The following MKLN1 variants were observed in gnomAD, a reference collection of about 807,000 sequenced individuals.
The protein encoded by MKLN1 is muskelin.
In MKLN1, 18 loss-of-function variants were observed where a neutral mutation model predicts 99.0. That is an observed-to-expected ratio of 0.18 (90% CI 0.13 to 0.27). The LOEUF is 0.27. Among genes scored for constraint, MKLN1 ranks in the 10% least tolerant of loss-of-function variants. The pLI is 1.00. For missense variants in MKLN1, 621 were observed against 875.9 expected (o/e 0.71, Z 3.67); for synonymous variants, 288 against 293.2 (o/e 0.98, Z 0.18).
At chr7:131,249,534 C>G (rs1032160239) in intron 3 of MKLN1, among the ~76,000 whole-genome samples, 1 of 152,192 alleles carries the variant, frequency 6.6e-6, no homozygotes, top group African/African-American at 2.4e-5. Flanking sequence ...GAGCTGGAGG[C>G]TGGTATATTC....
intron 15 of MKLN1, among the ~76,000 whole-genome samples, chr7:131,467,800 C>T (rs1398940068): frequency 2.0e-5 from 3 of 152,064 alleles, no homozygotes; most frequent in African/African-American, 4.8e-5. Context: ...ATGTTCTTCC[C>T]GAAGAACTGG....
At chr7:131,110,475 T>G (rs138785857) in intron 1 of MKLN1, among the ~76,000 whole-genome samples, 2 of 152,252 alleles carry the variant, frequency 1.3e-5, no homozygotes, top group Non-Finnish European at 2.9e-5. Flanking sequence ...ATTCAGGGTT[T>G]GAGAAGTATC....
intron 1 of MKLN1, among the ~76,000 whole-genome samples, chr7:131,369,807 G>A (rs1047897151): frequency 4.6e-5 from 7 of 152,116 alleles, no homozygotes; most frequent in Non-Finnish European, 1.0e-4. Flanking sequence ...TTATGTATAT[G>A]TGTATGTTTA....
chr7:131,189,957 A>T (rs1050827513), intron 2 of MKLN1, among the ~76,000 whole-genome samples: 9 of 152,218 alleles, frequency 5.9e-5, no homozygotes, highest in African/African-American at 2.2e-4. Context: ...ATTTGAGTGC[A>T]GAAAATCAGA....
chr7:131,447,525 C>T (rs993170311), intron 12 of MKLN1, among the ~76,000 whole-genome samples: 1 of 152,042 alleles, frequency 6.6e-6, no homozygotes, highest in Non-Finnish European at 1.5e-5. Context: ...CATAGTTAGC[C>T]CTCATCTCTA....
chr7:131,303,480 G>A (rs930734035), intron 3 of MKLN1, among the ~76,000 whole-genome samples: 6 of 152,260 alleles, frequency 3.9e-5, no homozygotes, highest in African/African-American at 7.2e-5. Context: ...TTGTTTGTTC[G>A]TTTTGGCAAG....
intron 16 of MKLN1, 163 bp from the exon 17 acceptor site, chr7:131,478,460 A>T (rs1797024741): frequency 1.8e-6 from 1 of 541,550 alleles, no homozygotes; most frequent in African/African-American, 2.0e-5. Context: ...CTGTAATCTG[A>T]ATGTGTTCTT....
At chr7:131,365,050 C>A (rs1347662790) in intron 1 of MKLN1, among the ~76,000 whole-genome samples, 1 of 152,164 alleles carries the variant, frequency 6.6e-6, no homozygotes, top group Non-Finnish European at 1.5e-5. Context: ...ATACTGCTTT[C>A]CACAATGGTT....
intron 6 of MKLN1, among the ~76,000 whole-genome samples, chr7:131,401,039 A>G (rs1326165545): frequency 6.6e-6 from 1 of 152,106 alleles, no homozygotes; most frequent in Non-Finnish European, 1.5e-5. Context: ...AACAGTGCAG[A>G]GTTTTTTGGC....
At chr7:131,314,360 T>C (rs1798624097) in intron 3 of MKLN1, among the ~76,000 whole-genome samples, 1 of 152,190 alleles carries the variant, frequency 6.6e-6, no homozygotes, top group Non-Finnish European at 1.5e-5. Flanking sequence ...ATTAGAAGTC[T>C]CCTCTAGATC....
intron 2 of MKLN1, among the ~76,000 whole-genome samples, chr7:131,177,648 A>G (rs1004033879): frequency 1.3e-5 from 2 of 152,180 alleles, no homozygotes; most frequent in Non-Finnish European, 1.5e-5. Flanking sequence ...AAATTCTGAA[A>G]GGGATGTATT....
intron 3 of MKLN1, among the ~76,000 whole-genome samples, chr7:131,257,006 C>G (rs559853166): frequency 1.3e-5 from 2 of 152,110 alleles, no homozygotes; most frequent in Non-Finnish European, 2.9e-5. Flanking sequence ...TATATAAGCT[C>G]TATACATACA....
chr7:131,328,774 G>C (rs1318499282), intron 1 of MKLN1, among the ~76,000 whole-genome samples: 1 of 152,158 alleles, frequency 6.6e-6, no homozygotes, highest in Non-Finnish European at 1.5e-5. Flanking sequence ...GCTTTGTCTT[G>C]ATCCCTGATT....
chr7:131,257,733 G>A (rs534723922), intron 3 of MKLN1, among the ~76,000 whole-genome samples: 30 of 152,228 alleles, frequency 2.0e-4, no homozygotes, highest in African/African-American at 5.5e-4. Context: ...GAGGGAAGGG[G>A]AAGGGAGAGA....
rs565412923 is a variant in MKLN1 at position 131,494,274 on chromosome 7, T to G, written c.*6546T>G. The stretch of plus-strand genomic sequence containing the variant: ...GTTTCCTCCACATCTGTAAAGTGAT[T>G]GATTAAATTAGAGGAGGCGTGTAGA... On this transcript the variant is annotated 3_prime_UTR_variant, in exon 18 of 18. Transcript: ENST00000352689. 8 of 152,332 alleles carry G rather than the reference T, an allele frequency of 5.3e-5. No homozygotes were observed. In the East Asian group the frequency reaches 1.3e-3, roughly 26 times the overall value. 9.4% of individuals were successfully genotyped at this position (152,332 alleles called of 1,614,324 possible).
At chr7:131,428,938 G>A in intron 8 of MKLN1, 95 bp from the exon 9 acceptor site, 1 of 817,756 alleles carries the variant, frequency 1.2e-6, no homozygotes, top group Non-Finnish European at 2.0e-6. Context: ...TTTAGATGTA[G>A]CTTCTTAAGT....
intron 2 of MKLN1, among the ~76,000 whole-genome samples, chr7:131,160,142 T>C (rs1796025545): frequency 6.6e-6 from 1 of 152,232 alleles, no homozygotes; most frequent in Non-Finnish European, 1.5e-5. Context: ...ATTTGCCTAA[T>C]GTAAATATTC....
chr7:131,342,002 A>C (rs1441742894), intron 1 of MKLN1, among the ~76,000 whole-genome samples: 1 of 152,174 alleles, frequency 6.6e-6, no homozygotes, highest in African/African-American at 2.4e-5. Flanking sequence ...ATATCCACTT[A>C]TTGGCTATTA....
chr7:131,274,941 C>T (rs957237307), intron 3 of MKLN1, among the ~76,000 whole-genome samples: 11 of 152,136 alleles, frequency 7.2e-5, no homozygotes, highest in African/African-American at 2.7e-4. Flanking sequence ...CCCTTCTTGG[C>T]CTCTGAGAAG....
Sources: allele counts gnomAD v4.1 joint callset (sites outside exome capture counted in the v4.1 genomes callset), GRCh38; gene constraint gnomAD v4.1.1; transcripts MANE v1.5; gene names NCBI Gene and HGNC (gene_info 2026-07-23, HGNC 2026-07-21).